The following KLF15 variants were observed in gnomAD, a reference collection of about 807,000 sequenced individuals.
KLF15 encodes KLF transcription factor 15, also known as Krueppel-like factor 15.
Under a neutral mutation model 24.6 loss-of-function variants are expected in KLF15, and 4 were observed. The observed-to-expected ratio is 0.16, with a 90% CI of 0.08 to 0.37. KLF15 has a LOEUF of 0.37. KLF15 is among the 10% of genes least tolerant of loss of function. KLF15 has a pLI of 1.00. For synonymous variants in KLF15, 246 were observed against 236.3 expected (o/e 1.04, Z -0.37); for missense variants, 496 against 560.6 (o/e 0.88, Z 1.16).
the KLF15 span, among the ~76,000 whole-genome samples, chr3:126,300,724 G>A: frequency 5.9e-5 from 9 of 152,362 alleles, no homozygotes; most frequent in Admixed American, 1.3e-4. Context: ...CCTGAGCAGC[G>A]GCAGTGTGGA....
chr3:126,306,352 GA>G, the KLF15 span, among the ~76,000 whole-genome samples: 1 of 151,976 alleles, frequency 6.6e-6, no homozygotes, highest in East Asian at 1.9e-4. Context: ...ATATCACTTC[GA>G]AATCACATGG....
chr3:126,328,043 C>T, the KLF15 span, among the ~76,000 whole-genome samples: 1 of 152,062 alleles, frequency 6.6e-6, no homozygotes, highest in African/African-American at 2.4e-5. Flanking sequence ...GACCAGTATA[C>T]CCTGCACCAT....
At chr3:126,311,911 A>G in the KLF15 span, among the ~76,000 whole-genome samples, 1 of 152,202 alleles carries the variant, frequency 6.6e-6, no homozygotes, top group Non-Finnish European at 1.5e-5. Flanking sequence ...CCAGTTGGCT[A>G]TCAATCGTAA....
intron 1 of KLF15, among the ~76,000 whole-genome samples, chr3:126,355,117 T>C (rs2082619369): frequency 6.6e-6 from 1 of 152,206 alleles, no homozygotes; most frequent in African/African-American, 2.4e-5. Context: ...GAGCAGGCCT[T>C]AGAGCCCTCC....
intron 2 of KLF15, among the ~76,000 whole-genome samples, chr3:126,350,040 C>T (rs2082570572): frequency 1.3e-5 from 2 of 152,218 alleles, no homozygotes; most frequent in Admixed American, 6.5e-5. Flanking sequence ...ACTCTGCAGA[C>T]AGGAAACTGA....
the KLF15 span, among the ~76,000 whole-genome samples, chr3:126,299,546 G>A: frequency 2.0e-5 from 3 of 151,742 alleles, no homozygotes; most frequent in South Asian, 2.1e-4. Context: ...TCAGGAGATC[G>A]AGACCATCCT....
chr3:126,340,830 C>A (rs1376738609), downstream of KLF15, among the ~76,000 whole-genome samples: 1 of 152,198 alleles, frequency 6.6e-6, no homozygotes, highest in Non-Finnish European at 1.5e-5. Flanking sequence ...GAGGCAGGAG[C>A]CAGGCCAGGC....
the KLF15 span, among the ~76,000 whole-genome samples, chr3:126,292,310 ACT>A: frequency 6.6e-6 from 1 of 151,388 alleles, no homozygotes; most frequent in Non-Finnish European, 1.5e-5. Context: ...ACCCCAAGTG[ACT>A]CTCCATTCCC....
chr3:126,314,748 T>G, the KLF15 span, among the ~76,000 whole-genome samples: 1 of 152,222 alleles, frequency 6.6e-6, no homozygotes, highest in Non-Finnish European at 1.5e-5. Flanking sequence ...GGGCCCTCTA[T>G]GCCCCCATAT....
chr3:126,311,417 C>T, the KLF15 span, among the ~76,000 whole-genome samples: 4 of 152,178 alleles, frequency 2.6e-5, no homozygotes, highest in Non-Finnish European at 5.9e-5. Flanking sequence ...GTGTTCACCT[C>T]GGGTGAACCC....
the KLF15 span, among the ~76,000 whole-genome samples, chr3:126,308,271 C>G: frequency 6.6e-6 from 1 of 152,210 alleles, no homozygotes; most frequent in Non-Finnish European, 1.5e-5. Flanking sequence ...GCCTTGACCA[C>G]CCCCAAGGAG....
At chr3:126,349,033 A>AG (rs2082560174) in intron 2 of KLF15, among the ~76,000 whole-genome samples, 1 of 152,128 alleles carries the variant, frequency 6.6e-6, no homozygotes, top group Admixed American at 6.5e-5. Context: ...GTCCAGACCC[A>AG]GCTGCCCCAA....
chr3:126,329,078 G>T, the KLF15 span, among the ~76,000 whole-genome samples: 12 of 152,118 alleles, frequency 7.9e-5, no homozygotes, highest in Admixed American at 1.3e-4. Context: ...TTCCATAATG[G>T]CACCTGCATC....
chr3:126,337,632 T>C, the KLF15 span, among the ~76,000 whole-genome samples: 1 of 152,046 alleles, frequency 6.6e-6, no homozygotes, highest in African/African-American at 2.4e-5. Context: ...AATGTCTTAT[T>C]AAGTTTCCTG....
downstream of KLF15, among the ~76,000 whole-genome samples, chr3:126,342,099 G>A (rs1212625593): frequency 3.9e-5 from 6 of 152,188 alleles, no homozygotes; most frequent in Non-Finnish European, 8.8e-5. Flanking sequence ...GGACGATGGA[G>A]GACAGGACGT....
intron 1 of KLF15, among the ~76,000 whole-genome samples, chr3:126,353,836 C>T (rs541245133): frequency 2.0e-5 from 3 of 152,336 alleles, no homozygotes; most frequent in South Asian, 4.1e-4. Context: ...GGTGATAATC[C>T]GTGGAGTGGA....
chr3:126,290,807 A>C, the KLF15 span: 1 of 152,200 alleles, frequency 6.6e-6, no homozygotes, highest in African/African-American at 2.4e-5. Flanking sequence ...GGCCATTTTA[A>C]ATTATATACC....
chr3:126,349,572 T>G (rs1376612700), intron 2 of KLF15, among the ~76,000 whole-genome samples: 1 of 152,218 alleles, frequency 6.6e-6, no homozygotes, highest in African/African-American at 2.4e-5. Context: ...TCTGCCTCAC[T>G]GAGATACACT....
At chr3:126,333,702 G>T in the KLF15 span, among the ~76,000 whole-genome samples, 1 of 145,634 alleles carries the variant, frequency 6.9e-6, no homozygotes, top group Non-Finnish European at 1.5e-5. Context: ...ACACACATAG[G>T]CTCAAAATAA....
Sources: gnomAD v4.1 joint callset for allele counts (sites outside exome capture counted in the v4.1 genomes callset) on GRCh38, gnomAD v4.1.1 for gene constraint, MANE v1.5 for transcripts, NCBI Gene and HGNC (gene_info 2026-07-23, HGNC 2026-07-21) for gene names.